IGF2: variants seen among roughly 807,000 people sequenced by gnomAD.
IGF2 encodes the protein insulin-like growth factor 2.
Under a neutral mutation model 12.0 loss-of-function variants are expected in IGF2, and 2 were observed. That is an observed-to-expected ratio of 0.17 (90% CI 0.07 to 0.52). The LOEUF (loss-of-function observed/expected upper bound fraction) is 0.52. Among genes scored for constraint, IGF2 ranks in the 20% least tolerant of loss-of-function variants. The pLI, the probability that IGF2 is intolerant of heterozygous loss-of-function variation, is 0.95. For missense variants in IGF2, 211 were observed against 268.0 expected, an observed-to-expected ratio of 0.79 and a Z score of 1.48; for synonymous variants, 105 against 110.1, an observed-to-expected ratio of 0.95 and a Z score of 0.29.
the IGF2 span, chr11:2,146,721 C>G: frequency 3.6e-6 from 1 of 279,790 alleles, no homozygotes; most frequent in East Asian, 1.0e-4. Flanking sequence ...TGAAGAGTCA[C>G]CTGCTGGATC....
At position 2,133,057 on chromosome 11, in the gene IGF2, AG is replaced by A. The variant is rs748459239; in HGVS notation, c.472del (p.Leu158Ter). 106 of 1,602,948 alleles carry A rather than the reference AG, an allele frequency of 6.6e-5. 1 individual carries two copies. Among genetic ancestry groups the A allele is most frequent in the Non-Finnish European group, 7.6e-5 (89 of 1,173,866 alleles). ...AFREAKRHRPLIALPTQDPAH... is the reference protein window; with the variant it reads ...AFREAKRHRPXIALPTQDPAH... Reference sequence around the variant, plus strand: ...GGGGTCTTGGGTGGGTAGAGCAATCAGGGGACGGTGACGTTTGGCCTCCCTG... The same window carrying A: ...GGGGTCTTGGGTGGGTAGAGCAATCAGGGACGGTGACGTTTGGCCTCCCTG... On this transcript the variant is annotated frameshift_variant, in exon 4 of 4. Coordinates refer to ENST00000416167, the MANE Select transcript of IGF2 (RefSeq NM_000612.6). LOFTEE classifies it high-confidence loss of function. The surrounding 1 kb of genome is among the most constrained non-coding windows in gnomAD (Gnocchi z 8.9).
chr11:2,132,693 T>G lies in IGF2; in HGVS notation c.*294A>C. 1 of 267,778 alleles carries G rather than the reference T, an allele frequency of 3.7e-6. No homozygotes were observed. The highest frequency in any genetic ancestry group is 6.9e-6 in the Non-Finnish European group (1 of 143,954). 16.6% of individuals were successfully genotyped at this position (267,778 alleles called of 1,614,324 possible). On this transcript the variant is annotated 3_prime_UTR_variant, in exon 4 of 4. Transcript: ENST00000416167. ...GAAGGGGGTTAGTTTAATGTTTTGA[T>G]TTTTTATGTGTGGGGATAATTGGGG...
chr11:2,148,920 C>T, the IGF2 span: 2 of 598,912 alleles, frequency 3.3e-6, no homozygotes, highest in Middle Eastern at 4.4e-4. The surrounding 1 kb of genome is among the most constrained non-coding windows in gnomAD (Gnocchi z 4.3). Context: ...AAGGAGAACC[C>T]TCTCCACAAT....
Position 2,138,868 on chromosome 11 carries a change from C to T in IGF2, c.-646G>A. ...GTCGAGGGGCCGGGGGAGGCGGTGA[C>T]TGGGGGGCGGAGTGGAGGCTGCACC... On this transcript the variant is annotated 5_prime_UTR_variant, in exon 1 of 4. Coordinates refer to ENST00000416167, the MANE Select transcript of IGF2 (RefSeq NM_000612.6). 1.0e-6 allele frequency: 1 copy of T among 972,798 alleles called. No individual in the cohort carries two copies. Among genetic ancestry groups the T allele is most frequent in the Non-Finnish European group, 1.2e-6 (1 of 823,616 alleles). 60.3% of individuals were successfully genotyped at this position (972,798 alleles called of 1,614,324 possible).
At position 2,132,101 on chromosome 11, in the gene IGF2, T is replaced by C. The variant is rs532504917; in HGVS notation, c.*886A>G. ...TCATGCGTGTGCTGTGTGTTGTGTG[T>C]GTGTAGCTGCGGGGATGCATAAAGT... On this transcript the variant is annotated 3_prime_UTR_variant, in exon 4 of 4. Transcript: ENST00000416167. 7.8e-5 allele frequency: 15 copies of C among 192,860 alleles called. No homozygotes were observed. In the South Asian group the frequency reaches 2.6e-3, roughly 33 times the overall value. The allele number at this position is 192,860 out of a possible 1,614,324, so 11.9% of individuals were successfully genotyped here.
chr11:2,141,840 A>G (rs371960428), upstream of IGF2, among the ~76,000 whole-genome samples: 15 of 152,342 alleles, frequency 9.8e-5, no homozygotes, highest in East Asian at 7.7e-4. Context: ...AATAAAAAAT[A>G]AAAAAATAAA....
chr11:2,138,008 C>T lies in IGF2; in HGVS notation c.-7+221G>A, dbSNP rs542756987. Among the ~76,000 whole-genome samples, 372 of 152,256 alleles carry T rather than the reference C, an allele frequency of 2.4e-3. 2 individuals are homozygous for T. The highest frequency in any genetic ancestry group is 4.2e-3 in the Non-Finnish European group (284 of 67,988). On this transcript the variant is annotated intron_variant, in intron 1 of 3. Coordinates refer to ENST00000416167, the MANE Select transcript of IGF2 (RefSeq NM_000612.6). ...GGCCCTTCCCGACGCCCCCACCCCA[C>T]CCCCAGCTCCGCCGCCAGGGTGAGC...
the IGF2 span, chr11:2,149,229 A>T: frequency 6.2e-7 from 1 of 1,613,428 alleles, no homozygotes; most frequent in Non-Finnish European, 8.5e-7. Context: ...TGCCTGGACG[A>T]TGATCCGCCG....
chr11:2,149,280 C>T, the IGF2 span: 1 of 1,613,610 alleles, frequency 6.2e-7, no homozygotes. Context: ...GCAGGGGGTG[C>T]CCTGGCTGTG....
rs556573980 is a variant in IGF2 at position 2,130,558 on chromosome 11, G to A, written c.*2429C>T. ...GGGGGGTTTAATTTGGTTTCTGAGC[G>A]CATAAAGCTAAGGAGGGGTAAAAAA... On this transcript the variant is annotated 3_prime_UTR_variant, in exon 4 of 4. Coordinates refer to ENST00000416167, the MANE Select transcript of IGF2 (RefSeq NM_000612.6). The A allele has an allele frequency of 8.2e-5, 15 of 183,006 alleles. No individual in the cohort carries two copies. The highest frequency in any genetic ancestry group is 4.4e-4 in the East Asian group (6 of 13,690). The allele number at this position is 183,006 out of a possible 1,614,324, so 11.3% of individuals were successfully genotyped here.
chr11:2,140,169 A>G (rs1487300671), upstream of IGF2: 2 of 1,613,390 alleles, frequency 1.2e-6, no homozygotes, highest in Middle Eastern at 1.7e-4. Flanking sequence ...GCGTCTAAGT[A>G]GCTCGCCTTT....
At chr11:2,135,283 G>T in intron 2 of IGF2, 84 bp downstream of exon 2, 1 of 1,262,836 alleles carries the variant, frequency 7.9e-7, no homozygotes, top group Non-Finnish European at 1.1e-6. Flanking sequence ...CTAGGAGTGT[G>T]CTCCCCTGGC....
At chr11:2,147,325 C>T in the IGF2 span, 2 of 372,582 alleles carry the variant, frequency 5.4e-6, no homozygotes, top group Non-Finnish European at 9.5e-6. The surrounding 1 kb of genome is among the most constrained non-coding windows in gnomAD (Gnocchi z 7.2). Flanking sequence ...CAGGAGCTCC[C>T]CTGCCAGGAC....
chr11:2,139,581 G>GA (rs1185190823), upstream of IGF2, among the ~76,000 whole-genome samples: 4 of 147,298 alleles, frequency 2.7e-5, no homozygotes, highest in African/African-American at 9.9e-5. Context: ...GGCCCCGGGG[G>GA]GGGGGCGGCG....
rs533893575 is a variant in IGF2 at position 2,129,850 on chromosome 11, C to G, written c.*3137G>C. On this transcript the variant is annotated 3_prime_UTR_variant, in exon 4 of 4. Transcript: ENST00000416167. This position sits in a 1 kb window ranked among gnomAD's most constrained non-coding sequence, Gnocchi z 8.1. Reference sequence around the variant, plus strand: ...AACCTCCCAGAGGCCGAGTCCCTGCCGCAGCCCTAGGCGCCGCGGTGGTGG... The same window carrying G: ...AACCTCCCAGAGGCCGAGTCCCTGCGGCAGCCCTAGGCGCCGCGGTGGTGG... 4.3e-6 allele frequency: 1 copy of G among 232,230 alleles called. No individual in the cohort carries two copies. The highest frequency in any genetic ancestry group is 8.5e-6 in the Non-Finnish European group (1 of 117,516). 14.4% of individuals were successfully genotyped at this position (232,230 alleles called of 1,614,324 possible).
At chr11:2,139,957 C>T (rs1270083558), upstream of IGF2, among the ~76,000 whole-genome samples, 1 of 152,136 alleles carries the variant, frequency 6.6e-6, no homozygotes, top group Non-Finnish European at 1.5e-5. Flanking sequence ...CGCTTGGAGC[C>T]TCAGCCAGAT....
chr11:2,135,464 C>T lies in IGF2; in HGVS notation c.60G>A (p.Ser20=), dbSNP rs200510687. 13 of 1,613,792 alleles carry T rather than the reference C, an allele frequency of 8.1e-6. No homozygotes were observed. Among genetic ancestry groups the T allele is most frequent in the Non-Finnish European group, 1.1e-5 (13 of 1,179,972 alleles). ...TGGGGCGGTAAGCAGCAATGCAGCA[C>T]GAGGCGAAGGCCAAGAAGGTGAGAA... ...LVLLTFLAFA[S]CCIAAYRPSE... Residue 20 remains serine (S), a synonymous_variant, in exon 2 of 4, where the codon TCG becomes TCA. Transcript: ENST00000416167.
At chr11:2,136,620 G>T (rs1195061236) in intron 1 of IGF2, among the ~76,000 whole-genome samples, 1 of 152,270 alleles carries the variant, frequency 6.6e-6, no homozygotes, top group East Asian at 1.9e-4. Context: ...AGTTTTTGAT[G>T]CAATAAATTA....
chr11:2,129,380 C>T lies in IGF2; in HGVS notation c.*3607G>A, dbSNP rs930192990. 8 of 227,404 alleles carry T rather than the reference C, an allele frequency of 3.5e-5. No individual in the cohort carries two copies. Among genetic ancestry groups the T allele is most frequent in the Admixed American group, 1.7e-4 (3 of 17,580 alleles). 14.1% of individuals were successfully genotyped at this position (227,404 alleles called of 1,614,324 possible). A position where few individuals can be genotyped will look rare whatever the true frequency, so the allele number is the denominator to read the frequency against. On this transcript the variant is annotated 3_prime_UTR_variant, in exon 4 of 4. Coordinates refer to ENST00000416167, the MANE Select transcript of IGF2 (RefSeq NM_000612.6). The surrounding 1 kb of genome is among the most constrained non-coding windows in gnomAD (Gnocchi z 8.1). ...GGGGAGGAGACAAGATGGAGAGCCA[C>T]GACTAGGCACGGAGGTCAGACAGGC...
Sources: gnomAD v4.1 joint callset for allele counts (sites outside exome capture counted in the v4.1 genomes callset) on GRCh38, gnomAD v4.1.1 for gene constraint, Gnocchi (gnomAD v3.1) non-coding constraint, MANE v1.5 for transcripts, NCBI Gene and HGNC (gene_info 2026-07-23, HGNC 2026-07-21) for gene names.